Variants in LYPD6 observed in about 807,000 individuals in gnomAD.
The protein encoded by LYPD6 is LY6/PLAUR domain containing 6.
Under a neutral mutation model 22.7 loss-of-function variants are expected in LYPD6, and 15 were observed. The observed-to-expected ratio is 0.66, with a 90% CI of 0.44 to 1.02. LYPD6 has a LOEUF of 1.02. Among genes scored for constraint, LYPD6 ranks in the 50% least tolerant of loss-of-function variants. The pLI is 0.00. For missense variants in LYPD6, 189 were observed against 208.4 expected (o/e 0.91, Z 0.57); for synonymous variants, 72 against 77.5 (o/e 0.93, Z 0.37).
intron 1 of LYPD6, among the ~76,000 whole-genome samples, chr2:149,344,060 T>C (rs1280229441): frequency 1.3e-5 from 2 of 152,248 alleles, no homozygotes; most frequent in Non-Finnish European, 2.9e-5. Flanking sequence ...GGGTTCATCT[T>C]GAGGGTCAGT....
chr2:149,433,972 A>G (rs180973815), intron 1 of LYPD6, among the ~76,000 whole-genome samples: 8 of 152,112 alleles, frequency 5.3e-5, no homozygotes, highest in Non-Finnish European at 1.0e-4. Flanking sequence ...ATTTCTTTTT[A>G]TTATTATTAT....
At chr2:149,384,930 CCA>C (rs1457843355) in intron 1 of LYPD6, among the ~76,000 whole-genome samples, 1 of 143,906 alleles carries the variant, frequency 6.9e-6, no homozygotes, top group African/African-American at 2.6e-5. Context: ...CTTCCTGTGT[CCA>C]TGTGTTCTCA....
intron 1 of LYPD6, among the ~76,000 whole-genome samples, chr2:149,428,439 G>A (rs926600301): frequency 3.9e-5 from 6 of 152,228 alleles, no homozygotes; most frequent in Admixed American, 6.5e-5. Flanking sequence ...TCTCATCACC[G>A]TTTCTCTTAG....
downstream of LYPD6, among the ~76,000 whole-genome samples, chr2:149,475,220 T>C (rs1359475614): frequency 6.6e-6 from 1 of 152,196 alleles, no homozygotes; most frequent in East Asian, 1.9e-4. Flanking sequence ...TTAATAACTT[T>C]CCTTTAACTT....
intron 3 of LYPD6, among the ~76,000 whole-genome samples, chr2:149,460,285 T>C (rs1003995236): frequency 5.0e-4 from 76 of 152,208 alleles, no homozygotes; most frequent in Middle Eastern, 3.4e-3. Context: ...CTGTAATAAA[T>C]TTACTTCAAA....
At chr2:149,451,287 A>G (rs1337759783) in intron 3 of LYPD6, among the ~76,000 whole-genome samples, 1 of 152,158 alleles carries the variant, frequency 6.6e-6, no homozygotes, top group Non-Finnish European at 1.5e-5. Flanking sequence ...ACCCTTTTAT[A>G]AGGGTCCTAA....
chr2:149,343,470 A>T (rs193065590), intron 1 of LYPD6, among the ~76,000 whole-genome samples: 38 of 152,122 alleles, frequency 2.5e-4, no homozygotes, highest in African/African-American at 8.7e-4. Context: ...CTTCAAAGCC[A>T]CTCCTTTGGC....
At chr2:149,359,534 C>T (rs1681529164) in intron 1 of LYPD6, among the ~76,000 whole-genome samples, 1 of 152,162 alleles carries the variant, frequency 6.6e-6, no homozygotes, top group East Asian at 1.9e-4. Flanking sequence ...GTCTCGTATC[C>T]CAGCCTTCTG....
chr2:149,377,465 G>T (rs1429094131), intron 1 of LYPD6, among the ~76,000 whole-genome samples: 2 of 152,142 alleles, frequency 1.3e-5, no homozygotes, highest in East Asian at 1.9e-4. Flanking sequence ...GCTCTCACAG[G>T]CCCGGTAATA....
intron 1 of LYPD6, among the ~76,000 whole-genome samples, chr2:149,411,597 A>G (rs1186541475): frequency 1.3e-5 from 2 of 152,202 alleles, no homozygotes; most frequent in South Asian, 4.1e-4. Flanking sequence ...TATAATTTGA[A>G]ACAAATTGAC....
At chr2:149,393,040 A>G (rs1310246423) in intron 1 of LYPD6, among the ~76,000 whole-genome samples, 10 of 152,166 alleles carry the variant, frequency 6.6e-5, no homozygotes, top group Non-Finnish European at 1.5e-5. Flanking sequence ...AGAAAGACCA[A>G]TCTTTGTACT....
intron 1 of LYPD6, among the ~76,000 whole-genome samples, chr2:149,391,348 T>A (rs1050237047): frequency 3.3e-5 from 5 of 152,202 alleles, no homozygotes; most frequent in Non-Finnish European, 7.3e-5. Context: ...TTGAGCTTTT[T>A]CTTATTCCAA....
chr2:149,400,176 G>A (rs764065084), intron 1 of LYPD6, among the ~76,000 whole-genome samples: 5 of 152,342 alleles, frequency 3.3e-5, no homozygotes, highest in Non-Finnish European at 5.9e-5. Flanking sequence ...CGTGCGCTGC[G>A]TTGGCAGCAG....
chr2:149,438,006 T>G (rs745907747), intron 2 of LYPD6, among the ~76,000 whole-genome samples, 180 bp downstream of exon 2: 1 of 152,154 alleles, frequency 6.6e-6, no homozygotes, highest in African/African-American at 2.4e-5. Flanking sequence ...CAAGAAGATT[T>G]TTGGTGGTGT....
Position 149,470,907 on chromosome 2 carries a change from A to G in LYPD6, c.*57A>G, listed in dbSNP as rs1681320850. 6.7e-7 allele frequency: 1 copy of G among 1,501,940 alleles called. No homozygotes were observed. The highest frequency in any genetic ancestry group is 9.2e-7 in the Non-Finnish European group (1 of 1,090,080). The allele number at this position is 1,501,940 out of a possible 1,614,324, so 93.0% of individuals were successfully genotyped here. ...CCATGGGGATCTCGATGGTCCACAG[A>G]CCTGCATGAGTCATTGGCCTGACAG... On this transcript the variant is annotated 3_prime_UTR_variant, in exon 5 of 5. Coordinates refer to ENST00000334166, the MANE Select transcript of LYPD6 (RefSeq NM_194317.5).
intron 3 of LYPD6, among the ~76,000 whole-genome samples, chr2:149,462,162 A>G (rs1237709400): frequency 6.6e-6 from 1 of 152,038 alleles, no homozygotes; most frequent in Non-Finnish European, 1.5e-5. Context: ...TCTAAAGAGA[A>G]TTCCTGGAAC....
At chr2:149,369,847 G>A (rs886240694) in intron 1 of LYPD6, among the ~76,000 whole-genome samples, 8 of 152,112 alleles carry the variant, frequency 5.3e-5, no homozygotes, top group Non-Finnish European at 1.2e-4. Context: ...TCATTTAGAC[G>A]GGTAAGGCAT....
chr2:149,360,348 G>A (rs904703481), intron 1 of LYPD6, among the ~76,000 whole-genome samples: 7 of 152,090 alleles, frequency 4.6e-5, no homozygotes, highest in African/African-American at 1.7e-4. Context: ...TAATCTCCTG[G>A]GAATGCAGCT....
At chr2:149,332,924 C>G (rs1395178143) in intron 1 of LYPD6, among the ~76,000 whole-genome samples, 1 of 152,146 alleles carries the variant, frequency 6.6e-6, no homozygotes, top group Non-Finnish European at 1.5e-5. Context: ...TACATATAAT[C>G]AAACCCCTAA....
Sources: gnomAD v4.1 joint callset for allele counts (sites outside exome capture counted in the v4.1 genomes callset) on GRCh38, gnomAD v4.1.1 for gene constraint, MANE v1.5 for transcripts, NCBI Gene and HGNC (gene_info 2026-07-23, HGNC 2026-07-21) for gene names.